Variants in RAB3D observed in about 807,000 individuals in gnomAD.
The protein encoded by RAB3D is ras-related protein Rab-3D.
In RAB3D, 17 loss-of-function variants were observed where a neutral mutation model predicts 19.3. That is an observed-to-expected ratio of 0.88 (90% CI 0.60 to 1.32). The LOEUF (loss-of-function observed/expected upper bound fraction) is 1.32. RAB3D is among the 40% of genes most tolerant of loss of function. The pLI is 0.00. For missense variants in RAB3D, 223 were observed against 299.1 expected (o/e 0.75, Z 1.88); for synonymous variants, 103 against 119.9 (o/e 0.86, Z 0.92).
chr19:11,334,055 G>C (rs551020915), intron 4 of RAB3D, among the ~76,000 whole-genome samples: 1 of 152,298 alleles, frequency 6.6e-6, no homozygotes, highest in South Asian at 2.1e-4. Context: ...GTCTGTGGCT[G>C]CTGTCATGCA....
rs113547444 is a variant in RAB3D at position 11,335,657 on chromosome 19, G to T, written c.347+8C>A. On this transcript the variant is annotated splice_region_variant and intron_variant, in intron 3 of 4. Transcript: ENST00000222120. ...AAGATCAGGGGTCCATGATCAGCAAGCACTCACCAGTCCTGCACAGCGGCA... is the reference window on the plus strand; with the variant it reads ...AAGATCAGGGGTCCATGATCAGCAATCACTCACCAGTCCTGCACAGCGGCA... The T allele has an allele frequency of 1.8e-3, 2,895 of 1,613,868 alleles. 38 individuals carry two copies. The African/African-American group carries it at 0.031, about 17-fold the overall frequency.
chr19:11,333,634 T>C (rs958247839), intron 4 of RAB3D, among the ~76,000 whole-genome samples: 1 of 151,868 alleles, frequency 6.6e-6, no homozygotes, highest in Non-Finnish European at 1.5e-5. Context: ...CTGGCTTGGA[T>C]GGGGCTTATG....
chr19:11,322,891 G>A lies in RAB3D; in HGVS notation c.*2507C>T, dbSNP rs1002326822. The A allele has an allele frequency of 6.6e-6, 1 of 152,078 alleles. No individual in the cohort carries two copies. The allele number at this position is 152,078 out of a possible 1,614,324, so 9.4% of individuals were successfully genotyped here. A position where few individuals can be genotyped will look rare whatever the true frequency, so the allele number is the denominator to read the frequency against. ...TGATCCATTCCTTTTTTTGACAGCA[G>A]TTTAGAGACAATTGGCCAACAAAAC... On this transcript the variant is annotated 3_prime_UTR_variant, in exon 5 of 5. Coordinates refer to ENST00000222120, the MANE Select transcript of RAB3D (RefSeq NM_004283.4).
chr19:11,338,659 C>G (rs1403874803), intron 1 of RAB3D, among the ~76,000 whole-genome samples: 1 of 152,174 alleles, frequency 6.6e-6, no homozygotes, highest in Non-Finnish European at 1.5e-5. Flanking sequence ...CTGACTCACT[C>G]CAGCCCCAGT....
In RAB3D at chr19:11,335,777, C is replaced by G; in HGVS notation, c.235G>C (p.Ala79Pro). Residue 79 changes from alanine (A) to proline (P), a missense_variant, in exon 3 of 5, where the codon GCG becomes CCG. Transcript: ENST00000222120. ...KRIKLQIWDTAGQERYRTITT... is the reference protein window; with the variant it reads ...KRIKLQIWDTPGQERYRTITT... The stretch of plus-strand genomic sequence containing the variant: ...ATGGTGCGGTAGCGCTCCTGGCCCG[C>G]TGTGTCCTGGACAAATGGCAGTGGC... The G allele has an allele frequency of 3.1e-6, 5 of 1,614,112 alleles. No individual in the cohort carries two copies. Among genetic ancestry groups the G allele is most frequent in the Non-Finnish European group, 4.2e-6 (5 of 1,179,956 alleles).
Position 11,325,338 on chromosome 19 carries a change from G to A in RAB3D, c.*60C>T, listed in dbSNP as rs112427764. 16 of 1,154,604 alleles carry A rather than the reference G, an allele frequency of 1.4e-5. No individual in the cohort carries two copies. The highest frequency in any genetic ancestry group is 6.2e-5 in the African/African-American group (4 of 64,196). 71.5% of individuals were successfully genotyped at this position (1,154,604 alleles called of 1,614,324 possible). Reference sequence around the variant, plus strand: ...CTTGGAGATAACCACTGTGGCTCACGCCTCGATCACAGTCCCTGCCGAGGC... The same window carrying A: ...CTTGGAGATAACCACTGTGGCTCACACCTCGATCACAGTCCCTGCCGAGGC... On this transcript the variant is annotated 3_prime_UTR_variant, in exon 5 of 5. Coordinates refer to ENST00000222120, the MANE Select transcript of RAB3D (RefSeq NM_004283.4).
intron 4 of RAB3D, among the ~76,000 whole-genome samples, chr19:11,329,887 G>A (rs138792508): frequency 6.6e-6 from 1 of 152,146 alleles, no homozygotes; most frequent in East Asian, 1.9e-4. Flanking sequence ...TTACCATGTT[G>A]GCCAGGCTGG....
chr19:11,323,972 A>G lies in RAB3D; in HGVS notation c.*1426T>C, dbSNP rs2080796267. The G allele has an allele frequency of 6.6e-6, 1 of 152,048 alleles. No homozygotes were observed. Among genetic ancestry groups the G allele is most frequent in the Admixed American group, 6.6e-5 (1 of 15,254 alleles). 9.4% of individuals were successfully genotyped at this position (152,048 alleles called of 1,614,324 possible). ...CGGAGGTCAAGATGTACATCTTCAA[A>G]CTGCACACGTAACCTCTGAGCAGAA... is the stretch of plus-strand genomic sequence containing the variant. On this transcript the variant is annotated 3_prime_UTR_variant, in exon 5 of 5. Transcript: ENST00000222120.
chr19:11,328,333 CAA>C (rs71164187), intron 4 of RAB3D, among the ~76,000 whole-genome samples: 5 of 57,810 alleles, frequency 8.6e-5, no homozygotes, highest in Admixed American at 2.1e-4. Context: ...GATATTATCT[CAA>C]AAAAAAAAAA....
chr19:11,329,742 C>T (rs918461727), intron 4 of RAB3D, among the ~76,000 whole-genome samples: 1 of 152,034 alleles, frequency 6.6e-6, no homozygotes, highest in African/African-American at 2.4e-5. Context: ...AACGCAATGG[C>T]GCGATCTTGG....
At chr19:11,325,808 T>TTA (rs1162777957) in intron 4 of RAB3D, among the ~76,000 whole-genome samples, 1 of 152,162 alleles carries the variant, frequency 6.6e-6, no homozygotes, top group Non-Finnish European at 1.5e-5. Flanking sequence ...GCGCAGGGGC[T>TTA]TATGCCTGTA....
chr19:11,325,950 G>A (rs1333316878), intron 4 of RAB3D, among the ~76,000 whole-genome samples: 1 of 152,044 alleles, frequency 6.6e-6, no homozygotes, highest in Non-Finnish European at 1.5e-5. Context: ...GCCAGGTGAG[G>A]AGGCTCATGC....
chr19:11,332,160 G>A (rs1476545197), intron 4 of RAB3D, among the ~76,000 whole-genome samples: 1 of 152,176 alleles, frequency 6.6e-6, no homozygotes, highest in Admixed American at 6.5e-5. Flanking sequence ...AGCCTCCTGA[G>A]TAGCCGGAAT....
intron 4 of RAB3D, among the ~76,000 whole-genome samples, chr19:11,327,352 G>T (rs927754913): frequency 6.6e-6 from 1 of 152,170 alleles, no homozygotes; most frequent in African/African-American, 2.4e-5. Flanking sequence ...GGCAAATCTG[G>T]TGTTTCCTTA....
At chr19:11,325,660 T>C (rs1288167875) in intron 4 of RAB3D, 75 bp from the exon 5 acceptor site, 1 of 1,425,512 alleles carries the variant, frequency 7.0e-7, no homozygotes, top group Non-Finnish European at 9.6e-7. Flanking sequence ...CACAGAAACC[T>C]GGCTTCTAAG....
intron 1 of RAB3D, among the ~76,000 whole-genome samples, chr19:11,337,935 T>C (rs113278289): frequency 0.034 from 5,157 of 152,200 alleles, 104 homozygotes; most frequent in Non-Finnish European, 0.048. Context: ...AGCCTTCCAA[T>C]GTGCTAGGAT....
Position 11,323,359 on chromosome 19 carries a change from C to T in RAB3D, c.*2039G>A, listed in dbSNP as rs1049693647. ...CTGTAATCCCAGCACTTTGGGAGGC[C>T]GAAGCAAGTGGATCACTTGAAGTCA... On this transcript the variant is annotated 3_prime_UTR_variant, in exon 5 of 5. Coordinates refer to ENST00000222120, the MANE Select transcript of RAB3D (RefSeq NM_004283.4). 6.6e-6 allele frequency: 1 copy of T among 152,074 alleles called. No individual in the cohort carries two copies. Among genetic ancestry groups the T allele is most frequent in the Non-Finnish European group, 1.5e-5 (1 of 68,034 alleles). 9.4% of individuals were successfully genotyped at this position (152,074 alleles called of 1,614,324 possible).
chr19:11,326,218 T>TC (rs2080811857), intron 4 of RAB3D, among the ~76,000 whole-genome samples: 4 of 139,454 alleles, frequency 2.9e-5, no homozygotes, highest in African/African-American at 1.2e-4. Context: ...CGAGATTCTA[T>TC]TAAAAAAAAA....
At chr19:11,329,902 G>A (rs2080829861) in intron 4 of RAB3D, among the ~76,000 whole-genome samples, 2 of 152,056 alleles carry the variant, frequency 1.3e-5, no homozygotes, top group Non-Finnish European at 2.9e-5. Flanking sequence ...GGCTGGTCTC[G>A]AACTCCTGAC....
Sources: allele counts gnomAD v4.1 joint callset (sites outside exome capture counted in the v4.1 genomes callset), GRCh38; gene constraint gnomAD v4.1.1; transcripts MANE v1.5; gene names NCBI Gene and HGNC (gene_info 2026-07-23, HGNC 2026-07-21).